Variants in WDR45B observed in about 807,000 individuals in gnomAD.
The protein encoded by WDR45B is WD repeat domain phosphoinositide-interacting protein 3.
In WDR45B, 20 loss-of-function variants were observed where a neutral mutation model predicts 44.6. That is an observed-to-expected ratio of 0.45 (90% CI 0.32 to 0.65). The LOEUF is 0.65. Ranked by LOEUF, WDR45B falls within the 30% of genes least tolerant of loss-of-function variation. The pLI, the probability that WDR45B is intolerant of heterozygous loss-of-function variation, is 0.05. For missense variants in WDR45B, 323 were observed against 430.2 expected (o/e 0.75, Z 2.20); for synonymous variants, 169 against 164.9 (o/e 1.02, Z -0.19).
chr17:82,646,259 G>C (rs921034507), intron 1 of WDR45B, among the ~76,000 whole-genome samples: 1 of 151,850 alleles, frequency 6.6e-6, no homozygotes, highest in Non-Finnish European at 1.5e-5. Context: ...GAGAGGCCGA[G>C]GTGGGCGGAT....
rs551285005 is a variant in WDR45B, at chr17:82,618,681, CTG to C, written c.704+360_704+361del. Among the ~76,000 whole-genome samples the C allele has an allele frequency of 2.6e-3, 394 of 152,190 alleles. 2 individuals are homozygous for C. The highest frequency in any genetic ancestry group is 8.7e-3 in the African/African-American group (361 of 41,508). On this transcript the variant is annotated intron_variant, in intron 7 of 9. Coordinates refer to ENST00000392325, the MANE Select transcript of WDR45B (RefSeq NM_019613.4). ...GGGCCCAGGTCGAGGCTGTAGTGAG[CTG>C]TGATAGCGTCACTGCACTCCAGCCT...
chr17:82,629,956 C>T, intron 3 of WDR45B: 1 of 985,262 alleles, frequency 1.0e-6, no homozygotes, highest in Non-Finnish European at 1.2e-6. Flanking sequence ...GCCTCTCCTT[C>T]CCTCCTCACC....
At chr17:82,618,941 G>A (rs144713219) in intron 7 of WDR45B, 102 bp downstream of exon 7, 448 of 1,045,914 alleles carry the variant, frequency 4.3e-4, no homozygotes, top group African/African-American at 3.9e-3. Flanking sequence ...GGCCTTATTC[G>A]GGGGAGGGTG....
At chr17:82,625,598 G>A in intron 4 of WDR45B, 115 bp from the exon 5 acceptor site, 11 of 1,081,176 alleles carry the variant, frequency 1.0e-5, no homozygotes, top group Non-Finnish European at 1.5e-5. Flanking sequence ...ACACAGAAAA[G>A]GAGTGTTCCT....
intron 7 of WDR45B, 74 bp downstream of exon 7, chr17:82,618,969 T>C (rs2045576560): frequency 1.9e-5 from 27 of 1,442,964 alleles, no homozygotes; most frequent in Non-Finnish European, 2.5e-5. Context: ...CTACCCCCTC[T>C]CCCAAATCCC....
intron 7 of WDR45B, among the ~76,000 whole-genome samples, chr17:82,618,474 C>T (rs567470733): frequency 3.9e-5 from 6 of 152,136 alleles, no homozygotes; most frequent in Non-Finnish European, 7.3e-5. Flanking sequence ...CAAGCCAGAG[C>T]GCTGGTGACG....
At chr17:82,639,547 C>T (rs1361232351) in intron 2 of WDR45B, among the ~76,000 whole-genome samples, 2 of 151,884 alleles carry the variant, frequency 1.3e-5, no homozygotes, top group African/African-American at 4.9e-5. Context: ...CTGCTACCTA[C>T]ACATTGCAGG....
At position 82,617,430 on chromosome 17, in the gene WDR45B, T is replaced by C. The variant is rs749082988; in HGVS notation, c.705-33A>G. Reference sequence around the variant, plus strand: ...GAAAACCAGCACAGCTCAGGCCTTGTGTGGATGTGGAGGAGTCCAGAGACT... The same window carrying C: ...GAAAACCAGCACAGCTCAGGCCTTGCGTGGATGTGGAGGAGTCCAGAGACT... On this transcript the variant is annotated intron_variant, in intron 7 of 9. Coordinates refer to ENST00000392325, the MANE Select transcript of WDR45B (RefSeq NM_019613.4). 8 of 1,606,862 alleles carry C rather than the reference T, an allele frequency of 5.0e-6. 1 individual carries two copies. The South Asian group carries it at 8.8e-5, about 18-fold the overall frequency.
rs199730357 is a variant in WDR45B at position 82,643,889 on chromosome 17, A to C, written c.142+60T>G. On this transcript the variant is annotated intron_variant, in intron 2 of 9. Coordinates refer to ENST00000392325, the MANE Select transcript of WDR45B (RefSeq NM_019613.4). ...CTTCCCTGCTCCACCTGCAAGGTTA[A>C]ATTTAAGACTCCGAGGGTTGGAAAG... 23 of 1,458,558 alleles carry C rather than the reference A, an allele frequency of 1.6e-5. No individual in the cohort carries two copies. In the East Asian group the frequency reaches 5.6e-4, roughly 36 times the overall value. 90.4% of individuals were successfully genotyped at this position (1,458,558 alleles called of 1,614,324 possible).
intron 2 of WDR45B, among the ~76,000 whole-genome samples, chr17:82,639,526 G>A (rs1311208497): frequency 6.6e-6 from 1 of 151,260 alleles, no homozygotes; most frequent in African/African-American, 2.4e-5. Flanking sequence ...CTCCCCACCC[G>A]CAGGAACCAC....
intron 1 of WDR45B, among the ~76,000 whole-genome samples, chr17:82,647,949 C>T (rs916966738): frequency 2.1e-5 from 3 of 145,512 alleles, no homozygotes; most frequent in Middle Eastern, 7.0e-3. Flanking sequence ...GGCGTCCGCG[C>T]AGGAGGCTGG....
At chr17:82,642,319 C>T (rs776999129) in intron 2 of WDR45B, among the ~76,000 whole-genome samples, 2 of 152,170 alleles carry the variant, frequency 1.3e-5, no homozygotes, top group East Asian at 1.9e-4. Context: ...ACGGCACACG[C>T]GAGGGATGGA....
At chr17:82,624,355 G>T (rs1448844125) in intron 5 of WDR45B, among the ~76,000 whole-genome samples, 1 of 152,118 alleles carries the variant, frequency 6.6e-6, no homozygotes, top group Non-Finnish European at 1.5e-5. Context: ...TCCGCCTCCC[G>T]GGTTCAAGCA....
At chr17:82,641,919 C>T (rs535296952) in intron 2 of WDR45B, among the ~76,000 whole-genome samples, 49 of 150,472 alleles carry the variant, frequency 3.3e-4, no homozygotes, top group Non-Finnish European at 5.3e-4. Context: ...TATATATCTC[C>T]AAGAGGTATT....
intron 2 of WDR45B, among the ~76,000 whole-genome samples, chr17:82,638,215 G>A (rs1598276169): frequency 4.7e-5 from 1 of 21,444 alleles, no homozygotes; most frequent in African/African-American, 3.2e-4. Context: ...GGGAGGGAAA[G>A]GGAGGGGAGG....
intron 2 of WDR45B, among the ~76,000 whole-genome samples, chr17:82,635,635 C>G: frequency 6.6e-6 from 1 of 151,614 alleles, no homozygotes; most frequent in Admixed American, 6.6e-5. Context: ...GTTGGCCAGG[C>G]TGGTCTCGAA....
intron 6 of WDR45B, among the ~76,000 whole-genome samples, chr17:82,620,515 C>T (rs1172156805): frequency 2.6e-5 from 4 of 152,210 alleles, no homozygotes; most frequent in African/African-American, 4.8e-5. Flanking sequence ...GAGCGGGACA[C>T]GCCCCAAACC....
intron 2 of WDR45B, among the ~76,000 whole-genome samples, chr17:82,642,907 GAT>G (rs1250132842): frequency 6.6e-6 from 1 of 152,172 alleles, no homozygotes; most frequent in East Asian, 1.9e-4. Flanking sequence ...AGTATCCTGA[GAT>G]TTGCAAGTCA....
intron 2 of WDR45B, 133 bp downstream of exon 2, chr17:82,643,816 G>A (rs2045945366): frequency 1.2e-6 from 1 of 863,620 alleles, no homozygotes; most frequent in South Asian, 1.4e-5. Context: ...CTCCCTCCAA[G>A]TTTATGAGGG....
Sources: gnomAD v4.1 joint callset for allele counts (sites outside exome capture counted in the v4.1 genomes callset) on GRCh38, gnomAD v4.1.1 for gene constraint, MANE v1.5 for transcripts, NCBI Gene and HGNC (gene_info 2026-07-23, HGNC 2026-07-21) for gene names.